WRN: variants seen among roughly 807,000 people sequenced by gnomAD.
WRN encodes the protein bifunctional 3'-5' exonuclease/ATP-dependent helicase WRN.
WRN carries 149 observed loss-of-function variants against 180.7 expected under a neutral mutation model. The ratio of observed to expected loss-of-function variants is 0.82; its 90% CI spans 0.72 to 0.94. WRN has a LOEUF of 0.94. WRN is among the 40% of genes least tolerant of loss of function. The pLI is 0.00. For synonymous variants in WRN, 548 were observed against 568.9 expected, an observed-to-expected ratio of 0.96 and a Z score of 0.52; for missense variants, 1,661 against 1,700.1, an observed-to-expected ratio of 0.98 and a Z score of 0.40.
At chr8:31,149,337 C>T (rs1201861077) in intron 30 of WRN, among the ~76,000 whole-genome samples, 3 of 149,366 alleles carry the variant, frequency 2.0e-5, no homozygotes, top group African/African-American at 4.9e-5. Context: ...GCGGAGCTTG[C>T]AGTGAGCGGA....
chr8:31,100,759 G>T, intron 17 of WRN, 90 bp from the exon 18 acceptor site: 1 of 1,059,304 alleles, frequency 9.4e-7, no homozygotes, highest in Non-Finnish European at 1.4e-6. Flanking sequence ...ACTTTGATTT[G>T]GTTATTTATT....
At chr8:31,113,018 C>T (rs1801377138) in intron 19 of WRN, among the ~76,000 whole-genome samples, 2 of 151,778 alleles carry the variant, frequency 1.3e-5, no homozygotes, top group African/African-American at 4.8e-5. Flanking sequence ...CCAGCCTGGG[C>T]AACATGGTGA....
intron 6 of WRN, 98 bp downstream of exon 6, chr8:31,067,280 A>G (rs1812748139): frequency 1.5e-6 from 2 of 1,355,264 alleles, no homozygotes; most frequent in Non-Finnish European, 2.0e-6. Context: ...CAGAAACTCT[A>G]CCAAAATATT....
chr8:31,120,029 T>C (rs1801662170), intron 20 of WRN: 5 of 558,006 alleles, frequency 9.0e-6, no homozygotes, highest in Non-Finnish European at 1.6e-5. Context: ...TACTATTTTT[T>C]ATAGAGAGTG....
intron 23 of WRN, among the ~76,000 whole-genome samples, chr8:31,128,581 C>T (rs73583753): frequency 0.025 from 3,802 of 152,232 alleles, 165 homozygotes; most frequent in African/African-American, 0.088. Flanking sequence ...TGTATTGGGC[C>T]GGGTGCAGTG....
Position 31,111,641 on chromosome 8 carries a change from T to C in WRN, c.2115T>C (p.Thr705=), listed in dbSNP as rs1233997913. ...TTCCAATCGTTGCACTTACTGCTAC[T>C]GCAAGTTCTTCAATCCGGGAAGACA... ...PMVPIVALTA[T]ASSSIREDIV... is the part of the protein sequence containing the mutation. The change falls in exon 19 of 35, where the codon ACT becomes ACC. Residue 705 remains threonine (T), a synonymous_variant. Transcript: ENST00000298139. 1.2e-6 allele frequency: 2 copies of C among 1,613,960 alleles called. No homozygotes were observed. Among genetic ancestry groups the C allele is most frequent in the Admixed American group, 1.7e-5 (1 of 60,008 alleles).
chr8:31,116,533 G>A lies in WRN; in HGVS notation c.2448+5G>A, dbSNP rs1038943357. 4.3e-6 allele frequency: 7 copies of A among 1,613,600 alleles called. No homozygotes were observed. Among genetic ancestry groups the A allele is most frequent in the Non-Finnish European group, 5.1e-6 (6 of 1,179,804 alleles). On this transcript the variant is annotated splice_donor_5th_base_variant and intron_variant, in intron 20 of 34. Transcript: ENST00000298139. ...TTTGTAAGAGATGAAATTCAGGTAT[G>A]AGGATCAATCATCATTGCTCTCCGT...
At chr8:31,095,508 A>T (rs1481792094) in intron 16 of WRN, among the ~76,000 whole-genome samples, 4 of 152,166 alleles carry the variant, frequency 2.6e-5, no homozygotes, top group Middle Eastern at 3.2e-3. Flanking sequence ...GTTTTCTCCT[A>T]AAAGTTTTAT....
intron 31 of WRN, among the ~76,000 whole-genome samples, chr8:31,150,849 A>G (rs1423486474): frequency 6.6e-6 from 1 of 152,126 alleles, no homozygotes; most frequent in Non-Finnish European, 1.5e-5. Flanking sequence ...ATCTTCTCTA[A>G]TCTCCCTCCC....
chr8:31,069,207 A>G (rs1229439937), intron 7 of WRN, among the ~76,000 whole-genome samples: 1 of 152,274 alleles, frequency 6.6e-6, no homozygotes, highest in Non-Finnish European at 1.5e-5. Flanking sequence ...TCTTAAAAAT[A>G]TGGCATGACT....
Position 31,155,823 on chromosome 8 carries a change from G to C in WRN, c.3819+1068G>C, listed in dbSNP as rs112192891. On this transcript the variant is annotated intron_variant, in intron 32 of 34. Transcript: ENST00000298139. ...TTTGGAACAAGTGATATGGTCCAATGCCTGCTTTTCTATTGTCTGTGGTTC... is the reference window on the plus strand; with the variant it reads ...TTTGGAACAAGTGATATGGTCCAATCCCTGCTTTTCTATTGTCTGTGGTTC... 4.6e-5 allele frequency among the ~76,000 whole-genome samples: 7 copies of C among 152,202 alleles called. 1 individual carries two copies. The highest frequency in any genetic ancestry group is 1.7e-4 in the African/African-American group (7 of 41,512).
chr8:31,068,214 G>A (rs752512337), intron 6 of WRN, 44 bp from the exon 7 acceptor site: 25 of 1,409,838 alleles, frequency 1.8e-5, no homozygotes, highest in South Asian at 2.4e-5. Flanking sequence ...GTTTTATTTC[G>A]GTGATCTTTA....
At position 31,141,776 on chromosome 8, in the gene WRN, G is replaced by C. The variant is rs1563376793; in HGVS notation, c.3233+1G>C. 2 of 1,613,368 alleles carry C rather than the reference G, an allele frequency of 1.2e-6. No individual in the cohort carries two copies. Among genetic ancestry groups the C allele is most frequent in the Non-Finnish European group, 1.7e-6 (2 of 1,179,702 alleles). Reference sequence around the variant, plus strand: ...GTCCAAAGAAGTTGCTTCTGCCTAGGTTCATTTTTCAGTTTTTTTCTTGTA... The same window carrying C: ...GTCCAAAGAAGTTGCTTCTGCCTAGCTTCATTTTTCAGTTTTTTTCTTGTA... On this transcript the variant is annotated splice_donor_variant, in intron 26 of 34. Coordinates refer to ENST00000298139, the MANE Select transcript of WRN (RefSeq NM_000553.6). LOFTEE classifies it high-confidence loss of function.
At chr8:31,145,240 C>G (rs1411271163) in intron 28 of WRN, among the ~76,000 whole-genome samples, 1 of 152,200 alleles carries the variant, frequency 6.6e-6, no homozygotes, top group African/African-American at 2.4e-5. Flanking sequence ...AGAGAGAAGT[C>G]AATGCCTGGC....
At chr8:31,036,888 G>A (rs1201409590) in intron 1 of WRN, among the ~76,000 whole-genome samples, 1 of 151,974 alleles carries the variant, frequency 6.6e-6, no homozygotes, top group African/African-American at 2.4e-5. Context: ...TTTTGCTTTT[G>A]TTACCTTTGC....
chr8:31,075,668 C>T (rs770620380), intron 7 of WRN, among the ~76,000 whole-genome samples: 2 of 150,404 alleles, frequency 1.3e-5, no homozygotes, highest in Non-Finnish European at 2.9e-5. Flanking sequence ...TGCAGTGAGC[C>T]GAGATTGCGC....
intron 31 of WRN, among the ~76,000 whole-genome samples, chr8:31,152,531 T>G (rs1174736162): frequency 6.6e-6 from 1 of 151,074 alleles, no homozygotes; most frequent in East Asian, 1.9e-4. Context: ...GTTTGATATA[T>G]CCCACAATAA....
chr8:31,170,306 T>A (rs954601442), intron 34 of WRN, among the ~76,000 whole-genome samples: 2 of 151,172 alleles, frequency 1.3e-5, no homozygotes, highest in South Asian at 2.1e-4. Context: ...TCCTCCTATG[T>A]CATTTTTTTC....
intron 24 of WRN, among the ~76,000 whole-genome samples, chr8:31,140,011 T>G (rs1484194839): frequency 9.6e-6 from 1 of 103,832 alleles, no homozygotes; most frequent in Non-Finnish European, 2.0e-5. Flanking sequence ...TTGTTTTTTT[T>G]TTTTTTTTTT....
Sources: gnomAD v4.1 joint callset for allele counts (sites outside exome capture counted in the v4.1 genomes callset) on GRCh38, gnomAD v4.1.1 for gene constraint, MANE v1.5 for transcripts, NCBI Gene and HGNC (gene_info 2026-07-23, HGNC 2026-07-21) for gene names.